The following MAST4 variants were observed in gnomAD, a reference collection of about 807,000 sequenced individuals.
MAST4 encodes the protein microtubule associated serine/threonine kinase family member 4, also known as microtubule-associated serine/threonine-protein kinase 4.
A neutral mutation model predicts 162.7 loss-of-function variants in MAST4; 89 were observed. That is an observed-to-expected ratio of 0.55 (90% confidence interval 0.46 to 0.65). The LOEUF (loss-of-function observed/expected upper bound fraction) is 0.65, where lower values mean the gene tolerates loss of function less well. Among genes scored for constraint, MAST4 ranks in the 30% least tolerant of loss-of-function variants. The pLI is 0.00. For synonymous variants in MAST4, 1,479 were observed against 1,361.1 expected, an observed-to-expected ratio of 1.09 and a Z score of -1.91; for missense variants, 3,153 against 3,374.0, an observed-to-expected ratio of 0.93 and a Z score of 1.62.
chr5:67,070,375 A>T (rs1760807476), intron 5 of MAST4, among the ~76,000 whole-genome samples: 1 of 152,110 alleles, frequency 6.6e-6, no homozygotes, highest in Non-Finnish European at 1.5e-5. Context: ...AAAATGAGGG[A>T]TGTTCATTTC....
At chr5:66,896,762 C>G (rs1762710692) in intron 3 of MAST4, among the ~76,000 whole-genome samples, 1 of 152,096 alleles carries the variant, frequency 6.6e-6, no homozygotes, top group African/African-American at 2.4e-5. Context: ...GAGATAGTTG[C>G]CTTCTCTTTT....
Position 67,164,767 on chromosome 5 carries a change from G to A in MAST4, c.5588G>A (p.Ser1863Asn), listed in dbSNP as rs56337909. 29,324 of 1,613,892 alleles carry A rather than the reference G, an allele frequency of 0.018. 934 individuals are homozygous for A. The highest frequency in any genetic ancestry group is 0.13 in the African/African-American group (10,107 of 74,978). ...AGTGCAAGAGAGCTTTCTCCTTCCAGCTTAAAGATGAATAAATCCTACCTG... is the reference window on the plus strand; with the variant it reads ...AGTGCAAGAGAGCTTTCTCCTTCCAACTTAAAGATGAATAAATCCTACCTG... The part of the protein sequence containing the change: ...TTSARELSPS[S>N]LKMNKSYLLE... Residue 1863 changes from serine to asparagine, a missense_variant, in exon 29 of 29, where the codon AGC (serine) becomes AAC (asparagine). Physicochemically the swap from Ser to Asn is conservative, Grantham distance 46. Coordinates refer to ENST00000403625, the MANE Select transcript of MAST4 (RefSeq NM_001164664.2). The surrounding 1 kb of genome is among the most constrained non-coding windows in gnomAD (Gnocchi z 5.3).
chr5:67,118,632 T>A (rs753990720), intron 12 of MAST4, 50 bp from the exon 13 acceptor site: 1 of 1,109,868 alleles, frequency 9.0e-7, no homozygotes, highest in South Asian at 1.4e-5. Flanking sequence ...AGTATTCTTA[T>A]CCAATTGCAA....
chr5:67,148,346 A>G (rs1020029160), intron 23 of MAST4, among the ~76,000 whole-genome samples: 3 of 152,182 alleles, frequency 2.0e-5, no homozygotes, highest in African/African-American at 7.2e-5. Context: ...GAAAAACACG[A>G]TAGAAAACCG....
At chr5:66,744,275 C>G (rs1015350100) in intron 1 of MAST4, among the ~76,000 whole-genome samples, 10 of 152,082 alleles carry the variant, frequency 6.6e-5, no homozygotes, top group African/African-American at 2.4e-4. Flanking sequence ...GCTGATAATT[C>G]GTGACTCATG....
chr5:67,149,481 G>A lies in MAST4; in HGVS notation c.3187G>A (p.Ala1063Thr), dbSNP rs376798686. ...DNSSKPSSEP[A>T]SHMARQRLES... The stretch of plus-strand genomic sequence containing the variant: ...TTCCTCAAAGCCATCCAGTGAACCC[G>A]CTTCTCACATGGCTCGGCAGCGATT... Residue 1063 changes from alanine (A) to threonine (T), a missense_variant, in exon 24 of 29, where the codon GCT (alanine) becomes ACT (threonine). Ala to Thr is a moderately conservative substitution (Grantham distance 58, BLOSUM62 0). This residue lies in a region of MAST4 where 619 missense variants were observed against 744.2 expected (regional missense o/e 0.83). Transcript: ENST00000403625. 1.4e-4 allele frequency: 223 copies of A among 1,613,560 alleles called. 1 individual carries two copies. The highest frequency in any genetic ancestry group is 1.8e-4 in the Admixed American group (11 of 59,962).
chr5:66,965,225 C>CTTTTTT (rs1187971815), intron 4 of MAST4, among the ~76,000 whole-genome samples: 3 of 84,892 alleles, frequency 3.5e-5, no homozygotes, highest in Non-Finnish European at 7.1e-5. Flanking sequence ...TTTTTTTTTG[C>CTTTTTT]TTTTTTTTTT....
In MAST4 at chr5:66,982,005, G is replaced by A. The variant is rs892161699; in HGVS notation, c.675-72399G>A. Among the ~76,000 whole-genome samples the A allele has an allele frequency of 2.6e-5, 4 of 152,094 alleles. No homozygotes were observed. In the East Asian group the frequency reaches 5.8e-4, roughly 22 times the overall value. On this transcript the variant is annotated intron_variant, in intron 4 of 28. Transcript: ENST00000403625. ...TTGAGGCAGCCATAAAGTGATTTGA[G>A]GCCTCAATTTTGTGGGAATAGGTAG...
chr5:67,004,853 C>A (rs1227362454), intron 4 of MAST4: 1 of 623,092 alleles, frequency 1.6e-6, no homozygotes, highest in Non-Finnish European at 2.9e-6. Context: ...ATCACAGTTC[C>A]CATCACATTT....
At chr5:66,904,696 G>A (rs1477101531) in intron 4 of MAST4, among the ~76,000 whole-genome samples, 2 of 151,656 alleles carry the variant, frequency 1.3e-5, no homozygotes, top group Non-Finnish European at 2.9e-5. Context: ...TTGATGGATT[G>A]GTTTATGATA....
intron 23 of MAST4, among the ~76,000 whole-genome samples, chr5:67,145,661 T>G (rs1043560001): frequency 6.6e-6 from 1 of 152,170 alleles, no homozygotes; most frequent in African/African-American, 2.4e-5. Context: ...GGGGATCTTT[T>G]GAGGGAAGTC....
intron 6 of MAST4, 140 bp from the exon 7 acceptor site, chr5:67,095,457 C>A: frequency 1.7e-6 from 1 of 573,498 alleles, no homozygotes; most frequent in Non-Finnish European, 3.1e-6. Context: ...TGTTTGTTTA[C>A]CCTGACCCTT....
chr5:67,153,408 TA>T (rs1772084805), intron 25 of MAST4, 49 bp from the exon 26 acceptor site: 1 of 1,567,194 alleles, frequency 6.4e-7, no homozygotes. Flanking sequence ...CAGTAGGTGT[TA>T]GAGTAGTCAT....
chr5:67,082,278 A>G (rs1279612812), intron 5 of MAST4, among the ~76,000 whole-genome samples: 1 of 151,022 alleles, frequency 6.6e-6, no homozygotes, highest in African/African-American at 2.4e-5. Context: ...CCTCCTGAGT[A>G]GCTGGGACTA....
intron 23 of MAST4, among the ~76,000 whole-genome samples, chr5:67,145,615 C>T (rs1051573008): frequency 1.3e-5 from 2 of 152,178 alleles, no homozygotes; most frequent in Non-Finnish European, 2.9e-5. Context: ...TCCGTTTGAC[C>T]TTGGGGCCAA....
intron 3 of MAST4, among the ~76,000 whole-genome samples, chr5:66,814,003 G>C (rs980236272): frequency 1.3e-5 from 2 of 152,190 alleles, no homozygotes; most frequent in African/African-American, 4.8e-5. Flanking sequence ...GGAGAGAGGA[G>C]TTGAACACTT....
At chr5:66,687,883 AT>A (rs1748793528) in intron 1 of MAST4, among the ~76,000 whole-genome samples, 1 of 152,226 alleles carries the variant, frequency 6.6e-6, no homozygotes, top group South Asian at 2.1e-4. Context: ...ACCTTAAAAA[AT>A]GACTTGATGT....
intron 4 of MAST4, among the ~76,000 whole-genome samples, chr5:67,038,084 A>G (rs913543660): frequency 6.6e-6 from 1 of 152,122 alleles, no homozygotes; most frequent in African/African-American, 2.4e-5. Context: ...TCTTTGTTAA[A>G]TATCTTCTCT....
chr5:67,035,947 A>T (rs1755969459), intron 4 of MAST4, among the ~76,000 whole-genome samples: 1 of 152,074 alleles, frequency 6.6e-6, no homozygotes, highest in Admixed American at 6.6e-5. Context: ...CAGTCTCAGG[A>T]AAGCAGACCC....
Sources: allele counts gnomAD v4.1 joint callset (sites outside exome capture counted in the v4.1 genomes callset), GRCh38; gene constraint gnomAD v4.1.1; regional missense constraint gnomAD v4.1.1; non-coding constraint Gnocchi (gnomAD v3.1); transcripts MANE v1.5; gene names NCBI Gene and HGNC (gene_info 2026-07-23, HGNC 2026-07-21).